The following CORO2B variants were observed in gnomAD, a reference collection of about 807,000 sequenced individuals.
CORO2B encodes the protein coronin-2B.
In CORO2B, 26 loss-of-function variants were observed where a neutral mutation model predicts 58.8. The ratio of observed to expected loss-of-function variants is 0.44; its 90% CI spans 0.32 to 0.61. The LOEUF (loss-of-function observed/expected upper bound fraction) is 0.61. Among genes scored for constraint, CORO2B ranks in the 20% least tolerant of loss-of-function variants. The pLI is 0.04. For synonymous variants in CORO2B, 242 were observed against 253.8 expected (o/e 0.95, Z 0.44); for missense variants, 460 against 645.1 (o/e 0.71, Z 3.11).
intron 2 of CORO2B, among the ~76,000 whole-genome samples, chr15:68,656,660 C>A (rs1290019203): frequency 4.6e-5 from 7 of 152,164 alleles, no homozygotes; most frequent in Non-Finnish European, 1.0e-4. Flanking sequence ...AGGCTTCCAT[C>A]TACCTAGACA....
chr15:68,544,514 C>A, the CORO2B span, among the ~76,000 whole-genome samples: 2 of 152,172 alleles, frequency 1.3e-5, no homozygotes, highest in African/African-American at 4.8e-5. Context: ...GTGGAGGATG[C>A]AGAGGATGGC....
chr15:68,528,884 T>G, the CORO2B span, among the ~76,000 whole-genome samples: 1 of 152,192 alleles, frequency 6.6e-6, no homozygotes, highest in South Asian at 2.1e-4. Context: ...TTTGCTTAAA[T>G]TTTAGCAGAA....
the CORO2B span, among the ~76,000 whole-genome samples, chr15:68,528,817 A>G: frequency 5.5e-4 from 84 of 152,106 alleles, no homozygotes; most frequent in South Asian, 1.2e-3. Context: ...TACGAATTCA[A>G]TTTCTTCAAG....
intron 2 of CORO2B, among the ~76,000 whole-genome samples, chr15:68,685,291 ACCT>A (rs369615843): frequency 2.0e-5 from 3 of 151,844 alleles, no homozygotes; most frequent in African/African-American, 7.3e-5. Context: ...GCTCACTTCA[ACCT>A]CCTCCTCCTG....
intron 3 of CORO2B, among the ~76,000 whole-genome samples, chr15:68,701,478 A>ATTTTTTT (rs71145193): frequency 0.079 from 3,054 of 38,800 alleles, 644 homozygotes; most frequent in Non-Finnish European, 0.11. Flanking sequence ...CGCCCGGCTA[A>ATTTTTTT]TTTTTTTTTT....
intron 2 of CORO2B, among the ~76,000 whole-genome samples, chr15:68,671,054 C>A (rs1902376371): frequency 6.6e-6 from 1 of 151,992 alleles, no homozygotes; most frequent in South Asian, 2.1e-4. Context: ...CTTATGGATC[C>A]AAAAGTAGGG....
intron 1 of CORO2B, among the ~76,000 whole-genome samples, chr15:68,583,538 T>C (rs939129903): frequency 6.6e-6 from 1 of 152,162 alleles, no homozygotes; most frequent in East Asian, 1.9e-4. Flanking sequence ...TGCTGGTGCC[T>C]GGATTTCCCT....
At chr15:68,676,458 G>C (rs1027065754) in intron 2 of CORO2B, among the ~76,000 whole-genome samples, 1 of 152,154 alleles carries the variant, frequency 6.6e-6, no homozygotes, top group East Asian at 1.9e-4. Flanking sequence ...AGAGGGTAAG[G>C]GGTCTGCAAG....
chr15:68,532,013 A>G, the CORO2B span, among the ~76,000 whole-genome samples: 2 of 152,108 alleles, frequency 1.3e-5, no homozygotes, highest in African/African-American at 4.8e-5. Context: ...TGCATAGTTT[A>G]TGATAAAAAG....
At chr15:68,568,556 A>G in the CORO2B span, among the ~76,000 whole-genome samples, 3 of 152,154 alleles carry the variant, frequency 2.0e-5, no homozygotes, top group Admixed American at 6.5e-5. Context: ...CCCACTGTAG[A>G]TTTCTGGGAC....
chr15:68,675,302 G>A (rs1225268116), intron 2 of CORO2B, among the ~76,000 whole-genome samples: 1 of 152,182 alleles, frequency 6.6e-6, no homozygotes, highest in Non-Finnish European at 1.5e-5. Context: ...CAGTAACTTT[G>A]AGGACAGGAA....
intron 2 of CORO2B, among the ~76,000 whole-genome samples, chr15:68,667,382 G>T (rs1052806022): frequency 6.6e-6 from 1 of 152,200 alleles, no homozygotes; most frequent in Non-Finnish European, 1.5e-5. Context: ...TTGAGGCAGG[G>T]GTATCGTGGT....
intron 1 of CORO2B, among the ~76,000 whole-genome samples, chr15:68,591,208 G>T (rs1899697009): frequency 6.6e-6 from 1 of 152,248 alleles, no homozygotes; most frequent in Non-Finnish European, 1.5e-5. Flanking sequence ...GAGAGACGTG[G>T]CTGGGCAGGC....
intron 1 of CORO2B, among the ~76,000 whole-genome samples, chr15:68,635,363 C>T (rs547135479): frequency 2.0e-4 from 30 of 152,306 alleles, no homozygotes; most frequent in Middle Eastern, 6.8e-3. Context: ...TGAGCTCCAC[C>T]GCCCCTCTCT....
the CORO2B span, among the ~76,000 whole-genome samples, chr15:68,573,000 C>A: frequency 6.6e-6 from 1 of 152,136 alleles, no homozygotes; most frequent in Non-Finnish European, 1.5e-5. Flanking sequence ...CAGTCCTACA[C>A]ACTCATTCTC....
chr15:68,718,391 G>T (rs1893080924), intron 8 of CORO2B, among the ~76,000 whole-genome samples: 1 of 152,104 alleles, frequency 6.6e-6, no homozygotes, highest in African/African-American at 2.4e-5. Flanking sequence ...ACCCTCTCTG[G>T]ACCCTCATCT....
the CORO2B span, among the ~76,000 whole-genome samples, chr15:68,546,931 C>A: frequency 6.6e-6 from 1 of 152,084 alleles, no homozygotes; most frequent in Admixed American, 6.5e-5. Flanking sequence ...TCGCATCTTA[C>A]GTACCAATGG....
the CORO2B span, among the ~76,000 whole-genome samples, chr15:68,554,876 C>T: frequency 9.4e-6 from 1 of 106,818 alleles, no homozygotes; most frequent in Non-Finnish European, 2.3e-5. Context: ...AAAGGCCACT[C>T]GACAGCCAGT....
At chr15:68,558,008 T>C in the CORO2B span, among the ~76,000 whole-genome samples, 2 of 152,052 alleles carry the variant, frequency 1.3e-5, no homozygotes, top group Non-Finnish European at 2.9e-5. Flanking sequence ...GGCACTGTGA[T>C]AGGCCTTTGG....
Sources: gnomAD v4.1 joint callset for allele counts (sites outside exome capture counted in the v4.1 genomes callset) on GRCh38, gnomAD v4.1.1 for gene constraint, MANE v1.5 for transcripts, NCBI Gene and HGNC (gene_info 2026-07-23, HGNC 2026-07-21) for gene names.